MOXD1: variants seen among roughly 807,000 people sequenced by gnomAD.
The protein encoded by MOXD1 is DBH-like monooxygenase protein 1.
Under a neutral mutation model 66.6 loss-of-function variants are expected in MOXD1, and 62 were observed. The ratio of observed to expected loss-of-function variants is 0.93; its 90% CI spans 0.76 to 1.15. The LOEUF is 1.15. Ranked by LOEUF, MOXD1 falls within the 50% of genes most tolerant of loss-of-function variation. MOXD1 has a pLI of 0.00. For synonymous variants in MOXD1, 303 were observed against 281.9 expected, an observed-to-expected ratio of 1.07 and a Z score of -0.75; for missense variants, 847 against 754.6, an observed-to-expected ratio of 1.12 and a Z score of -1.44.
chr6:132,335,459 T>C (rs1029598254), intron 4 of MOXD1, among the ~76,000 whole-genome samples: 14 of 152,058 alleles, frequency 9.2e-5, no homozygotes, highest in African/African-American at 3.1e-4. Flanking sequence ...TGTGTCTTTA[T>C]GAGAGAAAGG....
chr6:132,371,900 G>A (rs1196213983), intron 4 of MOXD1, among the ~76,000 whole-genome samples: 6 of 152,158 alleles, frequency 3.9e-5, no homozygotes, highest in Non-Finnish European at 8.8e-5. Context: ...TTGTGTCTTG[G>A]CCATGTCTCC....
At chr6:132,391,169 C>T (rs533827103) in intron 1 of MOXD1, 17 of 151,122 alleles carry the variant, frequency 1.1e-4, no homozygotes, top group African/African-American at 3.9e-4. Flanking sequence ...GGGAATCAAC[C>T]GAAATATGAG....
intron 4 of MOXD1, among the ~76,000 whole-genome samples, chr6:132,366,837 T>C (rs186789313): frequency 3.3e-5 from 5 of 152,254 alleles, no homozygotes; most frequent in African/African-American, 1.2e-4. Context: ...GTGCCTACTA[T>C]AGGAAAATCA....
intron 4 of MOXD1, among the ~76,000 whole-genome samples, chr6:132,358,981 A>G (rs550634884): frequency 3.3e-5 from 5 of 152,334 alleles, no homozygotes; most frequent in African/African-American, 1.2e-4. Flanking sequence ...AATTATTAAG[A>G]AAACACAGCT....
At chr6:132,301,264 A>G (rs893981379) in intron 10 of MOXD1, among the ~76,000 whole-genome samples, 1 of 151,394 alleles carries the variant, frequency 6.6e-6, no homozygotes, top group Non-Finnish European at 1.5e-5. Flanking sequence ...TTATGCTTTA[A>G]TATTGATGGG....
chr6:132,346,073 T>A (rs1217680852), intron 4 of MOXD1, among the ~76,000 whole-genome samples: 1 of 151,804 alleles, frequency 6.6e-6, no homozygotes, highest in Non-Finnish European at 1.5e-5. Context: ...ATGGGGGGAT[T>A]TTTTTTAATG....
chr6:132,313,845 G>T (rs894779710), intron 10 of MOXD1, among the ~76,000 whole-genome samples: 2 of 152,130 alleles, frequency 1.3e-5, no homozygotes, highest in Non-Finnish European at 2.9e-5. Context: ...AACCCAGGAG[G>T]CAGAGGTTGC....
At chr6:132,352,888 CCT>C (rs1775831036) in intron 4 of MOXD1, among the ~76,000 whole-genome samples, 1 of 151,810 alleles carries the variant, frequency 6.6e-6, no homozygotes, top group South Asian at 2.1e-4. Context: ...ATTTAATATC[CCT>C]CTTTTTCTCT....
intron 1 of MOXD1, chr6:132,392,122 G>T: frequency 2.1e-6 from 3 of 1,442,096 alleles, no homozygotes; most frequent in African/African-American, 1.4e-5. Flanking sequence ...TTTCTTTGTC[G>T]CCGTTGGCTG....
At chr6:132,375,085 G>A (rs749553895) in intron 1 of MOXD1, 1 of 449,360 alleles carries the variant, frequency 2.2e-6, no homozygotes, top group Non-Finnish European at 3.9e-6. Context: ...AGGGACTATA[G>A]CACTATGAAA....
intron 1 of MOXD1, among the ~76,000 whole-genome samples, chr6:132,382,915 G>C (rs1414146733): frequency 6.6e-6 from 1 of 152,154 alleles, no homozygotes; most frequent in Non-Finnish European, 1.5e-5. Context: ...CTCATTGTCA[G>C]TCTATTTTTC....
In MOXD1 at chr6:132,386,199, A is replaced by G. The variant is rs112052865; in HGVS notation, c.265-11422T>C. Among the ~76,000 whole-genome samples, 513 of 139,560 alleles carry G rather than the reference A, an allele frequency of 3.7e-3. 22 individuals are homozygous for G. The highest frequency in any genetic ancestry group is 0.013 in the African/African-American group (468 of 36,998). 91.6% of individuals were successfully genotyped at this position (139,560 alleles called of 152,430 possible). ...GGGCGGATCACGAGGTCAGGAAATC[A>G]AGACCATCCTGGCTAACACGGTGAA... On this transcript the variant is annotated intron_variant, in intron 1 of 11. Transcript: ENST00000367963.
chr6:132,334,348 C>T (rs1156633986), intron 4 of MOXD1, among the ~76,000 whole-genome samples: 1 of 152,142 alleles, frequency 6.6e-6, no homozygotes, highest in African/African-American at 2.4e-5. Flanking sequence ...CTTTCTGTGC[C>T]TCTTTCCTTT....
chr6:132,354,623 T>C (rs1040209937), intron 4 of MOXD1, among the ~76,000 whole-genome samples: 3 of 152,240 alleles, frequency 2.0e-5, no homozygotes, highest in African/African-American at 4.8e-5. Context: ...ATTTTTGTGC[T>C]GGTTGGCGTC....
chr6:132,368,765 T>C (rs185153776), intron 4 of MOXD1, among the ~76,000 whole-genome samples: 1 of 152,214 alleles, frequency 6.6e-6, no homozygotes, highest in East Asian at 1.9e-4. Flanking sequence ...ATAGTTATTA[T>C]AAGTATGAAA....
intron 11 of MOXD1, 41 bp from the exon 12 acceptor site, chr6:132,297,358 T>A (rs760278698): frequency 6.3e-7 from 1 of 1,599,202 alleles, no homozygotes; most frequent in Non-Finnish European, 8.5e-7. Context: ...AACATCTGAT[T>A]TAAGGCAGCA....
At chr6:132,338,648 C>G (rs1775488209) in intron 4 of MOXD1, among the ~76,000 whole-genome samples, 2 of 152,158 alleles carry the variant, frequency 1.3e-5, no homozygotes, top group African/African-American at 4.8e-5. Context: ...GCACATAAAT[C>G]CATGTCTCAA....
At position 132,303,959 on chromosome 6, in the gene MOXD1, C is replaced by G. The variant is rs539574988; in HGVS notation, c.1509-6004G>C. On this transcript the variant is annotated intron_variant, in intron 10 of 11. Coordinates refer to ENST00000367963, the MANE Select transcript of MOXD1 (RefSeq NM_015529.4). ...TCCATTCTCATTTTTGCTTGTAGTT[C>G]TCAAGAATAACTATATAATGTGCTG... 3.8e-4 allele frequency among the ~76,000 whole-genome samples: 56 copies of G among 147,952 alleles called. 1 individual carries two copies. The highest frequency in any genetic ancestry group is 2.2e-4 in the Non-Finnish European group (15 of 67,232).
At chr6:132,351,236 C>G (rs1775794174) in intron 4 of MOXD1, among the ~76,000 whole-genome samples, 1 of 152,088 alleles carries the variant, frequency 6.6e-6, no homozygotes, top group African/African-American at 2.4e-5. Flanking sequence ...AGAGGGAATG[C>G]TTGCAACTTT....
Sources: gnomAD v4.1 joint callset for allele counts (sites outside exome capture counted in the v4.1 genomes callset) on GRCh38, gnomAD v4.1.1 for gene constraint, MANE v1.5 for transcripts, NCBI Gene and HGNC (gene_info 2026-07-23, HGNC 2026-07-21) for gene names.